Variants in KAZN observed in about 807,000 individuals in gnomAD.
KAZN encodes kazrin.
KAZN carries 40 observed loss-of-function variants against 87.4 expected under a neutral mutation model. The observed-to-expected ratio is 0.46, with a 90% CI of 0.36 to 0.60. The LOEUF is 0.60. KAZN is among the 20% of genes least tolerant of loss of function. The pLI, the probability that KAZN is intolerant of heterozygous loss-of-function variation, is 0.00. For synonymous variants in KAZN, 466 were observed against 458.3 expected, an observed-to-expected ratio of 1.02 and a Z score of -0.22; for missense variants, 898 against 1,073.9, an observed-to-expected ratio of 0.84 and a Z score of 2.29.
intron 1 of KAZN, among the ~76,000 whole-genome samples, chr1:14,623,987 C>T (rs969687341): frequency 1.3e-5 from 2 of 152,078 alleles, no homozygotes; most frequent in African/African-American, 4.8e-5. Flanking sequence ...ATTCCACGTG[C>T]CCTTGAAAAC....
At chr1:14,978,542 T>G (rs1416104355) in intron 2 of KAZN, among the ~76,000 whole-genome samples, 4 of 152,212 alleles carry the variant, frequency 2.6e-5, no homozygotes. Context: ...GGGAAGCCCC[T>G]GAGGCAGTCT....
chr1:13,977,427 T>C (rs965196902), intron 1 of KAZN, among the ~76,000 whole-genome samples: 2 of 152,210 alleles, frequency 1.3e-5, no homozygotes, highest in African/African-American at 4.8e-5. Flanking sequence ...TCTGCTGAAA[T>C]AGCTTAGATA....
At position 15,047,884 on chromosome 1, in the gene KAZN, A is replaced by C. The variant is rs139633217; in HGVS notation, c.726+3725A>C. On this transcript the variant is annotated intron_variant, in intron 4 of 14. Transcript: ENST00000376030. ...ACATGTCCCTTTTGTCTTCTGATGA[A>C]ATCTTACCTCTGTGAGGTCCATGCA... Among the ~76,000 whole-genome samples the C allele has an allele frequency of 5.9e-3, 895 of 152,258 alleles. 6 individuals carry two copies. Among genetic ancestry groups the C allele is most frequent in the South Asian group, 0.042 (204 of 4,824 alleles).
intron 2 of KAZN, among the ~76,000 whole-genome samples, chr1:14,385,758 G>A (rs1228490818): frequency 2.0e-5 from 3 of 150,592 alleles, no homozygotes; most frequent in African/African-American, 7.4e-5. Flanking sequence ...TGGAATAGGT[G>A]TGGTGTGGTG....
chr1:14,115,282 C>T (rs1340884052), intron 1 of KAZN, among the ~76,000 whole-genome samples: 2 of 152,212 alleles, frequency 1.3e-5, no homozygotes, highest in Non-Finnish European at 2.9e-5. Context: ...ACCCTTATGA[C>T]CTCATCTAAC....
At chr1:14,311,414 A>G (rs944840362) in intron 2 of KAZN, among the ~76,000 whole-genome samples, 5 of 152,198 alleles carry the variant, frequency 3.3e-5, no homozygotes, top group African/African-American at 1.2e-4. Flanking sequence ...ATGCTTAGAA[A>G]TCCCCTTATA....
At chr1:14,860,760 A>G (rs945669717) in intron 1 of KAZN, among the ~76,000 whole-genome samples, 5 of 152,240 alleles carry the variant, frequency 3.3e-5, no homozygotes, top group African/African-American at 9.6e-5. Context: ...GTGGAGTTTA[A>G]TTGTGTTCTC....
intron 1 of KAZN, among the ~76,000 whole-genome samples, chr1:14,614,092 G>A (rs978534426): frequency 6.6e-6 from 1 of 152,148 alleles, no homozygotes; most frequent in Non-Finnish European, 1.5e-5. Flanking sequence ...TTGGCCAACT[G>A]CCATCACTAA....
At chr1:14,640,076 C>G (rs1191027871) in intron 1 of KAZN, among the ~76,000 whole-genome samples, 1 of 152,194 alleles carries the variant, frequency 6.6e-6, no homozygotes, top group African/African-American at 2.4e-5. Context: ...GAGAAATGCT[C>G]TGGGTTTGTT....
intron 1 of KAZN, among the ~76,000 whole-genome samples, chr1:14,797,472 C>G (rs753021472): frequency 2.6e-5 from 4 of 151,912 alleles, no homozygotes; most frequent in African/African-American, 4.8e-5. Context: ...GAAGAGGGAT[C>G]GATGTGAGGG....
At chr1:14,176,347 G>A (rs1274378506) in intron 1 of KAZN, among the ~76,000 whole-genome samples, 1 of 152,184 alleles carries the variant, frequency 6.6e-6, no homozygotes, top group African/African-American at 2.4e-5. Context: ...GTGGAGCGAT[G>A]AGAGTGTAGG....
At chr1:14,655,570 A>G (rs1393258205) in intron 1 of KAZN, among the ~76,000 whole-genome samples, 1 of 152,206 alleles carries the variant, frequency 6.6e-6, no homozygotes, top group Non-Finnish European at 1.5e-5. Flanking sequence ...TGCCTTCTCC[A>G]GCAAGTGCTT....
At chr1:14,270,170 T>C (rs1488445489) in intron 2 of KAZN, among the ~76,000 whole-genome samples, 1 of 152,222 alleles carries the variant, frequency 6.6e-6, no homozygotes, top group Non-Finnish European at 1.5e-5. Context: ...TAGCAACCTT[T>C]AACTGGACTA....
intron 2 of KAZN, among the ~76,000 whole-genome samples, chr1:14,357,549 G>A (rs1659140375): frequency 6.6e-6 from 1 of 152,150 alleles, no homozygotes; most frequent in Non-Finnish European, 1.5e-5. Flanking sequence ...GTATGATATT[G>A]GCTGTGGGTT....
chr1:14,060,853 G>A (rs1322998475), intron 1 of KAZN, among the ~76,000 whole-genome samples: 1 of 152,232 alleles, frequency 6.6e-6, no homozygotes. Context: ...AAATTGGGAT[G>A]TTTGGTCACC....
intron 1 of KAZN, among the ~76,000 whole-genome samples, chr1:14,798,704 G>A (rs144586053): frequency 0.046 from 7,027 of 152,068 alleles, 247 homozygotes; most frequent in South Asian, 0.074. Flanking sequence ...AGAGTGCTGG[G>A]ATTACAGGCG....
intron 2 of KAZN, among the ~76,000 whole-genome samples, chr1:14,204,420 A>G (rs1375917386): frequency 2.6e-5 from 4 of 152,252 alleles, no homozygotes; most frequent in African/African-American, 9.6e-5. Context: ...TGGTCCATTT[A>G]TATGGCTACT....
chr1:14,582,567 G>T lies in KAZN; in HGVS notation c.250-16416G>T, dbSNP rs566114476. 2.0e-5 allele frequency among the ~76,000 whole-genome samples: 3 copies of T among 152,242 alleles called. 1 individual carries two copies. The South Asian group carries it at 6.2e-4, about 32-fold the overall frequency. ...ATGAGACTGTCCTTTACAAACACTT[G>T]TTCCCAAATCTGGGACATGTGGATG... On this transcript the variant is annotated intron_variant, in intron 2 of 16. Coordinates refer to the KAZN transcript ENST00000636203.
At chr1:14,871,603 C>A (rs1340184365) in intron 1 of KAZN, among the ~76,000 whole-genome samples, 3 of 151,334 alleles carry the variant, frequency 2.0e-5, no homozygotes, top group Non-Finnish European at 4.4e-5. Context: ...ACAGCCTGAA[C>A]TAAAAATATC....
Sources: gnomAD v4.1 joint callset for allele counts (sites outside exome capture counted in the v4.1 genomes callset) on GRCh38, gnomAD v4.1.1 for gene constraint, MANE v1.5 for transcripts, NCBI Gene and HGNC (gene_info 2026-07-23, HGNC 2026-07-21) for gene names.